The following ZBTB25 variants were observed in gnomAD, a reference collection of about 807,000 sequenced individuals.
ZBTB25 encodes the protein zinc finger and BTB domain-containing protein 25.
A neutral mutation model predicts 34.2 loss-of-function variants in ZBTB25; 20 were observed. That is an observed-to-expected ratio of 0.58 (90% confidence interval 0.41 to 0.85). The LOEUF is 0.85. ZBTB25 is among the 40% of genes least tolerant of loss of function. The probability of loss-of-function intolerance (pLI) is 0.00; values close to 1 mark genes in which losing one functional copy is unlikely to be tolerated. For missense variants in ZBTB25, 437 were observed against 521.8 expected (o/e 0.84, Z 1.58); for synonymous variants, 175 against 186.4 (o/e 0.94, Z 0.50).
chr14:64,495,789 T>A (rs1476780750), intron 1 of ZBTB25, among the ~76,000 whole-genome samples: 1 of 151,996 alleles, frequency 6.6e-6, no homozygotes, highest in Non-Finnish European at 1.5e-5. Flanking sequence ...AAACCCCATC[T>A]CTACTAAAAA....
intron 1 of ZBTB25, among the ~76,000 whole-genome samples, chr14:64,498,917 A>G (rs2079389154): frequency 6.6e-6 from 1 of 152,120 alleles, no homozygotes; most frequent in Non-Finnish European, 1.5e-5. Context: ...TACAGGCGTG[A>G]GCCACCGCGC....
chr14:64,472,750 G>A (rs570341903), intron 2 of ZBTB25: 1 of 166,798 alleles, frequency 6.0e-6, no homozygotes, highest in South Asian at 2.1e-4. Context: ...GAAATATGCA[G>A]AAATCAGATG....
chr14:64,468,826 T>C (rs2078638346), intron 2 of ZBTB25: 1 of 1,614,138 alleles, frequency 6.2e-7, no homozygotes, highest in Non-Finnish European at 8.5e-7. Flanking sequence ...ATTCCAAAAT[T>C]ATAGAAGACT....
upstream of ZBTB25, chr14:64,504,727 G>C (rs542469968): frequency 5.9e-5 from 22 of 374,140 alleles, no homozygotes; most frequent in Non-Finnish European, 9.5e-5. Context: ...GGCCGGCTCA[G>C]TGCGGTGCGG....
intron 2 of ZBTB25, chr14:64,458,586 A>T (rs1406959503): frequency 6.5e-6 from 3 of 465,114 alleles, no homozygotes. Flanking sequence ...TACAGAGGAA[A>T]CTACAGGAGA....
intron 1 of ZBTB25, among the ~76,000 whole-genome samples, chr14:64,493,844 CAA>C (rs34544996): frequency 1.1e-4 from 15 of 134,950 alleles, no homozygotes; most frequent in Admixed American, 1.5e-4. Context: ...GACCCCACCT[CAA>C]AAAAAAAAAA....
chr14:64,493,065 A>G (rs987065514), intron 1 of ZBTB25, among the ~76,000 whole-genome samples: 2 of 152,252 alleles, frequency 1.3e-5, no homozygotes, highest in African/African-American at 2.4e-5. Flanking sequence ...GAATAGTTAG[A>G]TAACAGAAGG....
chr14:64,486,505 A>AAT lies in ZBTB25; in HGVS notation c.*416_*417dup. 1.0e-6 allele frequency: 1 copy of AAT among 964,524 alleles called. No homozygotes were observed. The allele number at this position is 964,524 out of a possible 1,614,324, so 59.7% of individuals were successfully genotyped here. A position where few individuals can be genotyped will look rare whatever the true frequency, so the allele number is the denominator to read the frequency against. The stretch of plus-strand genomic sequence containing the variant: ...TCCTATATGGAAGAAAATATTTAAA[A>AAT]ATAATCCTGGTAGGAGTGAATTCAT... On this transcript the variant is annotated 3_prime_UTR_variant, in exon 3 of 3. Transcript: ENST00000608382.
At chr14:64,500,841 A>G (rs2079468276) in intron 1 of ZBTB25, among the ~76,000 whole-genome samples, 1 of 152,150 alleles carries the variant, frequency 6.6e-6, no homozygotes, top group South Asian at 2.1e-4. Flanking sequence ...ACTTGAGGTC[A>G]GGAGTTCAAG....
At chr14:64,496,637 A>T (rs1318549133) in intron 1 of ZBTB25, among the ~76,000 whole-genome samples, 4 of 152,208 alleles carry the variant, frequency 2.6e-5, no homozygotes, top group Non-Finnish European at 5.9e-5. Flanking sequence ...TTCCTAAAAA[A>T]TTTTTCAAAA....
intron 2 of ZBTB25, among the ~76,000 whole-genome samples, chr14:64,454,307 TTTGCCCTG>T (rs1357981189): frequency 6.6e-6 from 1 of 151,982 alleles, no homozygotes; most frequent in African/African-American, 2.4e-5. Context: ...GAGATGGGGT[TTTGCCCTG>T]TTGCCCAGGC....
Position 64,449,441 on chromosome 14 carries a change from A to C in ZBTB25, c.*110T>G. 1.2e-6 allele frequency: 2 copies of C among 1,612,996 alleles called. No homozygotes were observed. The highest frequency in any genetic ancestry group is 2.7e-5 in the African/African-American group (2 of 75,030). On this transcript the variant is annotated 3_prime_UTR_variant, in exon 3 of 3. Transcript: ENST00000555220. ...TGCTTTGATATGAAATGCTTCCTTT[A>C]TAGGACGGATACAGAGTCTGAGCTG...
chr14:64,493,069 C>A (rs1463388657), intron 1 of ZBTB25, among the ~76,000 whole-genome samples: 1 of 151,844 alleles, frequency 6.6e-6, no homozygotes, highest in Non-Finnish European at 1.5e-5. Context: ...AGTTAGATAA[C>A]AGAAGGATTC....
chr14:64,485,512 A>T lies in ZBTB25; in HGVS notation c.*1411T>A. On this transcript the variant is annotated 3_prime_UTR_variant, in exon 3 of 3. Transcript: ENST00000608382. ...AGCCGGGGAATCTGTTATTTCTTTC[A>T]TCAACTTTAATTTTCCTGGGGTTTT... 5.1e-6 allele frequency: 5 copies of T among 985,410 alleles called. No individual in the cohort carries two copies. In the South Asian group the frequency reaches 2.3e-4, roughly 46 times the overall value. 61.0% of individuals were successfully genotyped at this position (985,410 alleles called of 1,614,324 possible).
chr14:64,503,622 G>A (rs963472103), intron 1 of ZBTB25, 39 bp downstream of exon 1: 23 of 985,408 alleles, frequency 2.3e-5, no homozygotes, highest in Non-Finnish European at 2.4e-5. Context: ...GAGGGACTGA[G>A]CCCGGGGCAG....
chr14:64,503,439 C>G, intron 1 of ZBTB25: 1 of 985,460 alleles, frequency 1.0e-6, no homozygotes, highest in South Asian at 4.7e-5. Flanking sequence ...CTCCTACGAG[C>G]AGCAAAGGGT....
At position 64,485,859 on chromosome 14, in the gene ZBTB25, C is replaced by G. The variant is rs761792427; in HGVS notation, c.*1064G>C. On this transcript the variant is annotated 3_prime_UTR_variant, in exon 3 of 3. Coordinates refer to ENST00000608382, the MANE Select transcript of ZBTB25 (RefSeq NM_006977.5). ...TTACTTTTTAAGGTGTCTAAGAAAA[C>G]ACTCTAGACCAAGTTAACAACCCTG... 19 of 985,368 alleles carry G rather than the reference C, an allele frequency of 1.9e-5. No homozygotes were observed. Among genetic ancestry groups the G allele is most frequent in the Non-Finnish European group, 2.2e-5 (18 of 829,910 alleles). 61.0% of individuals were successfully genotyped at this position (985,368 alleles called of 1,614,324 possible). A position where few individuals can be genotyped will look rare whatever the true frequency, so the allele number is the denominator to read the frequency against.
In ZBTB25 at chr14:64,484,995, C is replaced by G. The variant is rs2078842754; in HGVS notation, c.*1928G>C. The G allele has an allele frequency of 2.0e-6, 2 of 985,064 alleles. No individual in the cohort carries two copies. The highest frequency in any genetic ancestry group is 3.5e-5 in the African/African-American group (2 of 57,238). The allele number at this position is 985,064 out of a possible 1,614,324, so 61.0% of individuals were successfully genotyped here. A position where few individuals can be genotyped will look rare whatever the true frequency, so the allele number is the denominator to read the frequency against. On this transcript the variant is annotated 3_prime_UTR_variant, in exon 3 of 3. Coordinates refer to ENST00000608382, the MANE Select transcript of ZBTB25 (RefSeq NM_006977.5). The stretch of plus-strand genomic sequence containing the variant: ...TTACTCCCAATACAATTGATCTTAT[C>G]AAGTTAGATGTGCTCTCAACACACA...
rs2078875116 is a variant in ZBTB25 at position 64,486,787 on chromosome 14, T to C, written c.*136A>G. On this transcript the variant is annotated 3_prime_UTR_variant, in exon 3 of 3. Coordinates refer to ENST00000608382, the MANE Select transcript of ZBTB25 (RefSeq NM_006977.5). ...ATGTCTTATGAGAAGATCTAATATA[T>C]ACAACCTTAAAACCATGGATAAGCT... is the stretch of plus-strand genomic sequence containing the variant. The C allele has an allele frequency of 7.0e-7, 1 of 1,419,900 alleles. No homozygotes were observed. Among genetic ancestry groups the C allele is most frequent in the Non-Finnish European group, 9.2e-7 (1 of 1,090,884 alleles). The allele number at this position is 1,419,900 out of a possible 1,614,324, so 88.0% of individuals were successfully genotyped here. A position where few individuals can be genotyped will look rare whatever the true frequency, so the allele number is the denominator to read the frequency against.
Sources: allele counts gnomAD v4.1 joint callset (sites outside exome capture counted in the v4.1 genomes callset), GRCh38; gene constraint gnomAD v4.1.1; transcripts MANE v1.5; gene names NCBI Gene and HGNC (gene_info 2026-07-23, HGNC 2026-07-21).